Variants in KCTD15 observed in about 807,000 individuals in gnomAD.
KCTD15 encodes potassium channel tetramerization domain containing 15.
Under a neutral mutation model 27.2 loss-of-function variants are expected in KCTD15, and 11 were observed. The observed-to-expected ratio is 0.41, with a 90% CI of 0.25 to 0.67. The LOEUF is 0.67. Ranked by LOEUF, KCTD15 falls within the 30% of genes least tolerant of loss-of-function variation. The probability of loss-of-function intolerance (pLI) is 0.35; values close to 1 mark genes in which losing one functional copy is unlikely to be tolerated. For synonymous variants in KCTD15, 163 were observed against 176.0 expected, an observed-to-expected ratio of 0.93 and a Z score of 0.58; for missense variants, 350 against 409.3, an observed-to-expected ratio of 0.86 and a Z score of 1.25.
Position 33,811,501 on chromosome 19 carries a change from G to T in KCTD15, c.642G>T (p.Thr214=). Residue 214 remains threonine, a synonymous_variant, in exon 6 of 7, where the codon ACG becomes ACT. Transcript: ENST00000683859. The part of the protein sequence containing the change: ...SVNAGWNQDP[T]HVIRFPLNGY... ...ACGCCGGCTGGAACCAGGACCCCAC[G>T]CACGTCATCCGCTTCCCGCTCAATG... The T allele has an allele frequency of 6.2e-7, 1 of 1,611,488 alleles. No individual in the cohort carries two copies. Among genetic ancestry groups the T allele is most frequent in the Non-Finnish European group, 8.5e-7 (1 of 1,178,632 alleles).
Position 33,813,659 on chromosome 19 carries a change from G to C in KCTD15, c.*711G>C, listed in dbSNP as rs1976005215. 3.2e-6 allele frequency: 1 copy of C among 309,972 alleles called. No homozygotes were observed. 19.2% of individuals were successfully genotyped at this position (309,972 alleles called of 1,614,324 possible). Reference sequence around the variant, plus strand: ...TTGGGGGCTCAGGCTGCACTCCCCGGGTCACCTGACCTGCTGCCCAGGGGC... The same window carrying C: ...TTGGGGGCTCAGGCTGCACTCCCCGCGTCACCTGACCTGCTGCCCAGGGGC... On this transcript the variant is annotated 3_prime_UTR_variant, in exon 7 of 7. Transcript: ENST00000683859.
chr19:33,811,450 C>G lies in KCTD15; in HGVS notation c.591C>G (p.Thr197=). ...KALIEEVFPE[T]GDVMCNSVNA... is the part of the protein sequence containing the mutation. ...TCATCGAGGAGGTCTTCCCCGAGAC[C>G]GGAGACGTCATGTGCAACTCCGTCA... Residue 197 remains threonine, a synonymous_variant, in exon 6 of 7, where the codon ACC becomes ACG. Coordinates refer to ENST00000683859, the MANE Select transcript of KCTD15 (RefSeq NM_001129994.2). 6.2e-7 allele frequency: 1 copy of G among 1,612,896 alleles called. No individual in the cohort carries two copies. Among genetic ancestry groups the G allele is most frequent in the Non-Finnish European group, 8.5e-7 (1 of 1,179,830 alleles).
At chr19:33,811,948 ACCTGGGAG>A (rs1975939623) in intron 6 of KCTD15, 1 of 1,525,862 alleles carries the variant, frequency 6.6e-7, no homozygotes, top group African/African-American at 1.4e-5. Context: ...CTCCCTGCTG[ACCTGGGAG>A]TCGCAGGCAC....
rs1197944430 is a variant in KCTD15 at position 33,811,978 on chromosome 19, C to T, written c.693+426C>T. Reference sequence around the variant, plus strand: ...GGAGTCGCAGGCACCCACCAGCTGCCAAGAGAATCCCTGGACCGGCTCTTC... The same window carrying T: ...GGAGTCGCAGGCACCCACCAGCTGCTAAGAGAATCCCTGGACCGGCTCTTC... On this transcript the variant is annotated intron_variant, in intron 6 of 6. Transcript: ENST00000683859. 16 of 1,490,384 alleles carry T rather than the reference C, an allele frequency of 1.1e-5. No individual in the cohort carries two copies. In the Middle Eastern group the frequency reaches 7.2e-4, roughly 67 times the overall value. 92.3% of individuals were successfully genotyped at this position (1,490,384 alleles called of 1,614,324 possible).
chr19:33,800,126 CAT>C (rs889230405), intron 2 of KCTD15, among the ~76,000 whole-genome samples: 17 of 152,282 alleles, frequency 1.1e-4, no homozygotes, highest in East Asian at 3.9e-4. Context: ...TAATGGTGAG[CAT>C]ATGTTTCAGT....
intron 4 of KCTD15, among the ~76,000 whole-genome samples, chr19:33,805,908 A>G (rs1975696500): frequency 6.6e-6 from 1 of 152,214 alleles, no homozygotes; most frequent in Non-Finnish European, 1.5e-5. Context: ...GGACAGGGAC[A>G]GGCATCAGGG....
chr19:33,805,133 G>A (rs911110556), intron 4 of KCTD15, among the ~76,000 whole-genome samples: 3 of 152,100 alleles, frequency 2.0e-5, no homozygotes, highest in African/African-American at 7.2e-5. Context: ...GCGTTGCCTA[G>A]GCTGGTCTCG....
chr19:33,809,335 G>T (rs558079555), intron 5 of KCTD15, among the ~76,000 whole-genome samples: 1 of 152,122 alleles, frequency 6.6e-6, no homozygotes, highest in South Asian at 2.1e-4. Context: ...CTTTTCATAA[G>T]TAAATAAATA....
intron 5 of KCTD15, among the ~76,000 whole-genome samples, chr19:33,809,185 G>T (rs1254941595): frequency 4.6e-5 from 7 of 152,112 alleles, no homozygotes; most frequent in African/African-American, 1.7e-4. Flanking sequence ...ACTGAGACAG[G>T]AGAATTGCTT....
intron 5 of KCTD15, among the ~76,000 whole-genome samples, chr19:33,808,679 A>C (rs1002546376): frequency 3.3e-4 from 45 of 135,586 alleles, no homozygotes; most frequent in Non-Finnish European, 1.5e-5. Flanking sequence ...CAAATTGGGA[A>C]GATCTCTCTG....
chr19:33,798,536 C>G (rs1322089150), intron 1 of KCTD15, 132 bp from the exon 2 acceptor site: 1 of 152,426 alleles, frequency 6.6e-6, no homozygotes, highest in African/African-American at 2.4e-5. Context: ...TGGGCCCTCC[C>G]GACCGCTATC....
upstream of KCTD15, among the ~76,000 whole-genome samples, chr19:33,795,599 C>CA (rs1269340931): frequency 3.9e-5 from 6 of 152,094 alleles, no homozygotes; most frequent in East Asian, 1.2e-3. Flanking sequence ...CAGTGCCGGC[C>CA]AGTCGCGCGC....
rs1473373481 is a variant in KCTD15, at chr19:33,813,209, C to T, written c.*261C>T. Reference sequence around the variant, plus strand: ...GCCAGCTCTCCCAGCCCCTCAGCTTCGCAGCCTGGCGCAGCATCCTCTGAG... The same window carrying T: ...GCCAGCTCTCCCAGCCCCTCAGCTTTGCAGCCTGGCGCAGCATCCTCTGAG... On this transcript the variant is annotated 3_prime_UTR_variant, in exon 7 of 7. Transcript: ENST00000683859. 1.3e-5 allele frequency: 8 copies of T among 629,012 alleles called. No individual in the cohort carries two copies. The highest frequency in any genetic ancestry group is 3.3e-5 in the South Asian group (2 of 59,814). The allele number at this position is 629,012 out of a possible 1,614,324, so 39.0% of individuals were successfully genotyped here.
intron 5 of KCTD15, among the ~76,000 whole-genome samples, chr19:33,809,673 C>T (rs1236564175): frequency 6.6e-6 from 1 of 152,116 alleles, no homozygotes; most frequent in Non-Finnish European, 1.5e-5. Flanking sequence ...GAATTCCAGA[C>T]CAGCCTGGAC....
At chr19:33,795,793 T>C (rs1428939544), upstream of KCTD15, 2 of 151,388 alleles carry the variant, frequency 1.3e-5, no homozygotes, top group African/African-American at 4.9e-5. Context: ...CGGGGAGTCT[T>C]GGCTGCCGCC....
At position 33,807,079 on chromosome 19, in the gene KCTD15, T is replaced by G. The variant is rs1472247932; in HGVS notation, c.387+72T>G. On this transcript the variant is annotated intron_variant, in intron 5 of 6. Transcript: ENST00000683859. Reference sequence around the variant, plus strand: ...TTACACAGGGGACGCTGTGACTTAATAAGTGGACCCCTGGTTGTCATGGTA... The same window carrying G: ...TTACACAGGGGACGCTGTGACTTAAGAAGTGGACCCCTGGTTGTCATGGTA... 4.0e-6 allele frequency: 6 copies of G among 1,492,900 alleles called. No individual in the cohort carries two copies. In the Admixed American group the frequency reaches 1.2e-4, roughly 31 times the overall value. The allele number at this position is 1,492,900 out of a possible 1,614,324, so 92.5% of individuals were successfully genotyped here. A position where few individuals can be genotyped will look rare whatever the true frequency, so the allele number is the denominator to read the frequency against.
At chr19:33,804,615 T>G (rs116935308) in intron 4 of KCTD15, among the ~76,000 whole-genome samples, 1 of 152,320 alleles carries the variant, frequency 6.6e-6, no homozygotes, top group East Asian at 1.9e-4. Context: ...CCATGGTATC[T>G]GGCAGCCTGG....
rs779338100 is a variant in KCTD15 at position 33,812,814 on chromosome 19, G to A, written c.718G>A (p.Gly240Ser). 37 of 1,500,306 alleles carry A rather than the reference G, an allele frequency of 2.5e-5. No individual in the cohort carries two copies. In the South Asian group the frequency reaches 4.6e-4, roughly 19 times the overall value. 92.9% of individuals were successfully genotyped at this position (1,500,306 alleles called of 1,614,324 possible). A position where few individuals can be genotyped will look rare whatever the true frequency, so the allele number is the denominator to read the frequency against. The change falls in exon 7 of 7, where the codon GGT becomes AGT. Residue 240 changes from glycine (G) to serine (S), a missense_variant. Physicochemically the swap from Gly to Ser is moderately conservative, Grantham distance 56 (BLOSUM62 0). Around this residue, in one of 3 missense-constraint regions of KCTD15, gnomAD observed 219 missense variants for 234.9 expected, o/e 0.93. Transcript: ENST00000683859. ...GGTCCTGGAGCGGCTGTTCCAGAGGGGTTTCAGCGTGGCTGCGTCCTGTGG... is the reference window on the plus strand; with the variant it reads ...GGTCCTGGAGCGGCTGTTCCAGAGGAGTTTCAGCGTGGCTGCGTCCTGTGG... ...VQVLERLFQRGFSVAASCGGG... is the reference protein window; with the variant it reads ...VQVLERLFQRSFSVAASCGGG...
At chr19:33,794,269 G>C (rs1487695490), upstream of KCTD15, among the ~76,000 whole-genome samples, 1 of 152,166 alleles carries the variant, frequency 6.6e-6, no homozygotes, top group South Asian at 2.1e-4. Context: ...TAGTCTTGGA[G>C]TTGTGAATAA....
Sources: allele counts gnomAD v4.1 joint callset (sites outside exome capture counted in the v4.1 genomes callset), GRCh38; gene constraint gnomAD v4.1.1; regional missense constraint gnomAD v4.1.1; transcripts MANE v1.5; gene names NCBI Gene and HGNC (gene_info 2026-07-23, HGNC 2026-07-21).